Variants in SCGB2B2 observed in about 807,000 individuals in gnomAD.
The protein encoded by SCGB2B2 is secretoglobin family 2B member 2.
In SCGB2B2, 11 loss-of-function variants were observed where a neutral mutation model predicts 7.6. The ratio of observed to expected loss-of-function variants is 1.45; its 90% CI spans 0.91 to 2.40. The LOEUF (loss-of-function observed/expected upper bound fraction) is 2.40. Ranked by LOEUF, SCGB2B2 falls within the 30% of genes most tolerant of loss-of-function variation. SCGB2B2 has a pLI of 0.00. For missense variants in SCGB2B2, 104 were observed against 115.4 expected (o/e 0.90, Z 0.45); for synonymous variants, 50 against 48.6 (o/e 1.03, Z -0.12).
At chr19:34,612,620 T>C (rs961715873) in intron 1 of SCGB2B2, among the ~76,000 whole-genome samples, 1 of 152,218 alleles carries the variant, frequency 6.6e-6, no homozygotes, top group Non-Finnish European at 1.5e-5. Context: ...GAAAGGAATT[T>C]ATATTTTACA....
intron 1 of SCGB2B2, chr19:34,645,918 G>T: frequency 3.8e-6 from 1 of 260,958 alleles, no homozygotes; most frequent in East Asian, 1.2e-4. Context: ...TAAGTTGTTT[G>T]GGAGAGTTGC....
In SCGB2B2 at chr19:34,593,090, G is replaced by A. The variant is rs1473082387; in HGVS notation, c.*465C>T. ...CTAACCCTAGCACGTTGGAGGTTGA[G>A]GTAGGTGGATCATTTGCGGTCAGGA... On this transcript the variant is annotated 3_prime_UTR_variant, in exon 4 of 4. Coordinates refer to ENST00000601241, the MANE Select transcript of SCGB2B2 (RefSeq NM_001025591.4). Among the ~76,000 whole-genome samples the A allele has an allele frequency of 6.6e-6, 1 of 152,180 alleles. No individual in the cohort carries two copies. Among genetic ancestry groups the A allele is most frequent in the African/African-American group, 2.4e-5 (1 of 41,434 alleles).
chr19:34,585,688 G>A (rs1307667668), downstream of SCGB2B2, among the ~76,000 whole-genome samples: 1 of 152,200 alleles, frequency 6.6e-6, no homozygotes, highest in Non-Finnish European at 1.5e-5. Context: ...GAGGGCTTGG[G>A]TTGAAGACGA....
intron 1 of SCGB2B2, among the ~76,000 whole-genome samples, chr19:34,647,357 C>T (rs907013210): frequency 1.1e-4 from 17 of 152,188 alleles, no homozygotes; most frequent in African/African-American, 4.1e-4. Flanking sequence ...CTCCCCAAAC[C>T]TCAGGCCCTT....
intron 1 of SCGB2B2, among the ~76,000 whole-genome samples, chr19:34,622,076 C>T (rs1457126444): frequency 6.6e-6 from 1 of 152,162 alleles, no homozygotes; most frequent in Non-Finnish European, 1.5e-5. Flanking sequence ...TAAGTCATTC[C>T]TCATGGTTAA....
chr19:34,672,351 T>A (rs745629768), intron 1 of SCGB2B2, among the ~76,000 whole-genome samples: 1 of 152,224 alleles, frequency 6.6e-6, no homozygotes, highest in Non-Finnish European at 1.5e-5. Context: ...TTCTCTCTGA[T>A]CTTTACTATT....
At chr19:34,640,845 T>G (rs1353538887) in intron 1 of SCGB2B2, among the ~76,000 whole-genome samples, 1 of 152,076 alleles carries the variant, frequency 6.6e-6, no homozygotes, top group African/African-American at 2.4e-5. Flanking sequence ...TTTATTATTA[T>G]TTTTTTCCAG....
chr19:34,656,870 G>T (rs1409741637), intron 1 of SCGB2B2, among the ~76,000 whole-genome samples: 1 of 151,022 alleles, frequency 6.6e-6, no homozygotes, highest in African/African-American at 2.5e-5. Flanking sequence ...AAGCAAAAAA[G>T]AAATTCATCT....
chr19:34,614,542 T>G (rs141945460), intron 1 of SCGB2B2, among the ~76,000 whole-genome samples: 2 of 152,362 alleles, frequency 1.3e-5, no homozygotes, highest in East Asian at 3.9e-4. Context: ...TGTCTGTATT[T>G]TCTTTTATCT....
chr19:34,587,772 C>T (rs949310601), downstream of SCGB2B2, among the ~76,000 whole-genome samples: 1 of 152,172 alleles, frequency 6.6e-6, no homozygotes, highest in African/African-American at 2.4e-5. Flanking sequence ...GCTTTTTCTG[C>T]ACCTATCGAG....
intron 1 of SCGB2B2, among the ~76,000 whole-genome samples, chr19:34,613,986 T>C (rs143959986): frequency 5.1e-4 from 78 of 152,332 alleles, no homozygotes; most frequent in African/African-American, 1.8e-3. Context: ...TGAAGAAAAT[T>C]GCTATTGGTC....
At chr19:34,608,867 T>C (rs1180914721) in intron 1 of SCGB2B2, 3 of 151,782 alleles carry the variant, frequency 2.0e-5, no homozygotes, top group Non-Finnish European at 4.4e-5. Flanking sequence ...TGCTCGATCA[T>C]ATGGTAATTC....
chr19:34,594,717 C>A lies in SCGB2B2; in HGVS notation c.-154G>T, dbSNP rs2065399319. 1 of 708,032 alleles carries A rather than the reference C, an allele frequency of 1.4e-6. No homozygotes were observed. Among genetic ancestry groups the A allele is most frequent in the African/African-American group, 1.8e-5 (1 of 55,116 alleles). 43.9% of individuals were successfully genotyped at this position (708,032 alleles called of 1,614,324 possible). Reference sequence around the variant, plus strand: ...TGTGTGTGTGTGAATGTGGTCAGGGCAGGTCTGCAGAGAGACCCTCGGCCC... The same window carrying A: ...TGTGTGTGTGTGAATGTGGTCAGGGAAGGTCTGCAGAGAGACCCTCGGCCC... On this transcript the variant is annotated 5_prime_UTR_variant, in exon 2 of 4. Coordinates refer to ENST00000601241, the MANE Select transcript of SCGB2B2 (RefSeq NM_001025591.4).
At chr19:34,635,966 G>C (rs1425035607) in intron 1 of SCGB2B2, among the ~76,000 whole-genome samples, 1 of 152,198 alleles carries the variant, frequency 6.6e-6, no homozygotes, top group Non-Finnish European at 1.5e-5. Flanking sequence ...TTTGTGCCCG[G>C]GGTGTATTCC....
At chr19:34,655,059 T>C (rs985340348) in intron 1 of SCGB2B2, among the ~76,000 whole-genome samples, 1 of 151,312 alleles carries the variant, frequency 6.6e-6, no homozygotes, top group Non-Finnish European at 1.5e-5. Flanking sequence ...GGCACACTCA[T>C]GCAGGACATA....
intron 1 of SCGB2B2, among the ~76,000 whole-genome samples, chr19:34,620,812 C>T (rs926310179): frequency 1.3e-5 from 2 of 152,102 alleles, no homozygotes; most frequent in African/African-American, 4.8e-5. Flanking sequence ...AACATCACAC[C>T]ATTTGGCAAT....
At chr19:34,674,289 G>T (rs928832582) in intron 1 of SCGB2B2, among the ~76,000 whole-genome samples, 3 of 152,148 alleles carry the variant, frequency 2.0e-5, no homozygotes, top group Non-Finnish European at 2.9e-5. Flanking sequence ...TGTCTGAAAG[G>T]AAATTATATA....
intron 1 of SCGB2B2, among the ~76,000 whole-genome samples, chr19:34,662,811 G>A (rs1367483947): frequency 6.6e-6 from 1 of 152,074 alleles, no homozygotes; most frequent in Non-Finnish European, 1.5e-5. Context: ...TGTGCCTGTA[G>A]TTCCAGCTAC....
chr19:34,596,537 G>C lies in SCGB2B2; in HGVS notation c.-1974C>G, dbSNP rs1220962975. 6.6e-6 allele frequency: 1 copy of C among 152,590 alleles called. No individual in the cohort carries two copies. Among genetic ancestry groups the C allele is most frequent in the Non-Finnish European group, 1.5e-5 (1 of 68,192 alleles). 9.5% of individuals were successfully genotyped at this position (152,590 alleles called of 1,614,324 possible). A position where few individuals can be genotyped will look rare whatever the true frequency, so the allele number is the denominator to read the frequency against. ...TCTGTGATTATATGAATATGAGGTT[G>C]TGATTGTGGCTGGGAGGGGCTGTGT... On this transcript the variant is annotated 5_prime_UTR_variant, in exon 2 of 4. Coordinates refer to ENST00000601241, the MANE Select transcript of SCGB2B2 (RefSeq NM_001025591.4).
Sources: gnomAD v4.1 joint callset for allele counts (sites outside exome capture counted in the v4.1 genomes callset) on GRCh38, gnomAD v4.1.1 for gene constraint, MANE v1.5 for transcripts, NCBI Gene and HGNC (gene_info 2026-07-23, HGNC 2026-07-21) for gene names.